Variants in CD96 observed in about 807,000 individuals in gnomAD.
The protein encoded by CD96 is CD96 molecule.
Under a neutral mutation model 71.3 loss-of-function variants are expected in CD96, and 70 were observed. The observed-to-expected ratio is 0.98, with a 90% CI of 0.81 to 1.20. CD96 has a LOEUF of 1.20. CD96 is among the 50% of genes most tolerant of loss of function. The pLI is 0.00. For missense variants in CD96, 742 were observed against 677.5 expected (o/e 1.10, Z -1.06); for synonymous variants, 248 against 233.0 (o/e 1.06, Z -0.59).
intron 14 of CD96, among the ~76,000 whole-genome samples, chr3:111,659,501 C>CT (rs1409162366): frequency 7.2e-5 from 11 of 152,170 alleles, no homozygotes; most frequent in Admixed American, 2.0e-4. Flanking sequence ...GGACTTTAAA[C>CT]TTTCCTCTTA....
chr3:111,561,328 A>G (rs1206197089), intron 2 of CD96, among the ~76,000 whole-genome samples: 1 of 148,374 alleles, frequency 6.7e-6, no homozygotes, highest in African/African-American at 2.5e-5. Flanking sequence ...TTTTTTCCCC[A>G]TCTTTGTGGT....
chr3:111,649,678 G>T lies in CD96; in HGVS notation c.1602-20G>T, dbSNP rs1462056810. The T allele has an allele frequency of 6.9e-7, 1 of 1,456,652 alleles. No individual in the cohort carries two copies. The highest frequency in any genetic ancestry group is 9.6e-7 in the Non-Finnish European group (1 of 1,036,632). 90.2% of individuals were successfully genotyped at this position (1,456,652 alleles called of 1,614,324 possible). A position where few individuals can be genotyped will look rare whatever the true frequency, so the allele number is the denominator to read the frequency against. On this transcript the variant is annotated intron_variant, in intron 13 of 13. Transcript: ENST00000352690. Reference sequence around the variant, plus strand: ...ACTCCCTCAATTCTTAGCATTGAAAGACCAATATTTTGTTCCTAGAATGGA... The same window carrying T: ...ACTCCCTCAATTCTTAGCATTGAAATACCAATATTTTGTTCCTAGAATGGA...
At chr3:111,654,241 C>G (rs1210627703), downstream of CD96, among the ~76,000 whole-genome samples, 4 of 152,136 alleles carry the variant, frequency 2.6e-5, no homozygotes, top group Non-Finnish European at 5.9e-5. Context: ...CTGGCAGAAA[C>G]ACATAGTGAG....
At chr3:111,619,431 T>C (rs1435115509) in intron 8 of CD96, among the ~76,000 whole-genome samples, 2 of 152,186 alleles carry the variant, frequency 1.3e-5, no homozygotes, top group African/African-American at 4.8e-5. Flanking sequence ...CCTGGAGACA[T>C]GGGTCATTAT....
At chr3:111,548,072 A>G (rs1934505994) in intron 2 of CD96, among the ~76,000 whole-genome samples, 1 of 152,172 alleles carries the variant, frequency 6.6e-6, no homozygotes, top group Non-Finnish European at 1.5e-5. Context: ...GCCCCTGTGC[A>G]ATCTTTAAGT....
intron 9 of CD96, 59 bp downstream of exon 9, chr3:111,623,881 A>G: frequency 9.7e-7 from 1 of 1,028,108 alleles, no homozygotes; most frequent in Non-Finnish European, 1.5e-6. Context: ...CACAAGTTTT[A>G]CTACTGCTTC....
chr3:111,604,213 C>T (rs2107658765), intron 7 of CD96, among the ~76,000 whole-genome samples: 1 of 152,278 alleles, frequency 6.6e-6, no homozygotes, highest in Non-Finnish European at 1.5e-5. Context: ...CCCATGGCTG[C>T]TGCTGCCCAT....
At chr3:111,544,935 G>A (rs1934309344) in intron 1 of CD96, 111 bp from the exon 2 acceptor site, 1 of 861,290 alleles carries the variant, frequency 1.2e-6, no homozygotes, top group African/African-American at 1.7e-5. Flanking sequence ...AGCAGCCAGG[G>A]AGAAATTTCC....
At chr3:111,581,944 A>C (rs1400513025) in intron 4 of CD96, among the ~76,000 whole-genome samples, 1 of 152,194 alleles carries the variant, frequency 6.6e-6, no homozygotes, top group Non-Finnish European at 1.5e-5. Context: ...AAGGAAGATA[A>C]GAAAATGTAC....
At chr3:111,548,943 G>A (rs1934555686) in intron 2 of CD96, among the ~76,000 whole-genome samples, 2 of 152,144 alleles carry the variant, frequency 1.3e-5, no homozygotes, top group African/African-American at 2.4e-5. Context: ...AGGCATATAT[G>A]CATGACTGTG....
Position 111,545,143 on chromosome 3 carries a change from C to T in CD96, c.159C>T (p.Phe53=), listed in dbSNP as rs140137237. Reference sequence around the variant, plus strand: ...GCCAAACACAGACAGTAGGCTTCTTCGTGCAGATGCAATGGTCCAAGGTCA... The same window carrying T: ...GCCAAACACAGACAGTAGGCTTCTTTGTGCAGATGCAATGGTCCAAGGTCA... ...LTCQTQTVGF[F]VQMQWSKVTN... The change falls in exon 2 of 14, where the codon TTC becomes TTT. Residue 53 remains phenylalanine, a synonymous_variant. Transcript: ENST00000352690. 1.2e-5 allele frequency: 19 copies of T among 1,614,022 alleles called. No individual in the cohort carries two copies. The African/African-American group carries it at 1.5e-4, about 12-fold the overall frequency.
chr3:111,589,235 C>G (rs1270337539), intron 5 of CD96, among the ~76,000 whole-genome samples: 1 of 152,158 alleles, frequency 6.6e-6, no homozygotes, highest in Non-Finnish European at 1.5e-5. Flanking sequence ...CAGGCATGAG[C>G]CACCATGCCC....
intron 2 of CD96, among the ~76,000 whole-genome samples, chr3:111,548,684 TA>T (rs1318642825): frequency 1.3e-5 from 2 of 152,196 alleles, no homozygotes; most frequent in Admixed American, 6.5e-5. Flanking sequence ...GGTGGGCTGT[TA>T]ATGTTATTGG....
rs542105506 is a variant in CD96 at position 111,663,538 on chromosome 3, T to TA, written c.*53-1982dup. On this transcript the variant is annotated intron_variant and NMD_transcript_variant, in intron 14 of 14. Transcript: ENST00000494798. ...TCAACAAGCAAAAAACAACTCCTTT[T>TA]AAAAAAATGGACAAAGGATATGAAC... Among the ~76,000 whole-genome samples the TA allele has an allele frequency of 2.0e-4, 31 of 152,104 alleles. No individual in the cohort carries two copies. In the East Asian group the frequency reaches 6.0e-3, roughly 29 times the overall value.
At chr3:111,662,740 ACAGCCCGGGCTT>A (rs1297430835) in intron 14 of CD96, among the ~76,000 whole-genome samples, 19 of 152,216 alleles carry the variant, frequency 1.2e-4, no homozygotes, top group African/African-American at 3.9e-4. Flanking sequence ...TGAGACAACC[ACAGCCCGGGCTT>A]CACTGTCTAT....
intron 2 of CD96, among the ~76,000 whole-genome samples, chr3:111,553,495 T>C (rs1353019325): frequency 6.8e-6 from 1 of 147,936 alleles, no homozygotes; most frequent in Non-Finnish European, 1.5e-5. Flanking sequence ...GAGAGGCACA[T>C]AATTCTGGTT....
At chr3:111,638,636 G>C (rs570731019) in intron 12 of CD96, among the ~76,000 whole-genome samples, 1 of 152,230 alleles carries the variant, frequency 6.6e-6, no homozygotes, top group East Asian at 1.9e-4. Flanking sequence ...TATATCATAA[G>C]AGAGCAAAAG....
At chr3:111,620,899 C>T (rs1419295999) in intron 8 of CD96, among the ~76,000 whole-genome samples, 1 of 152,212 alleles carries the variant, frequency 6.6e-6, no homozygotes, top group Non-Finnish European at 1.5e-5. Context: ...TTCTCCTTCT[C>T]CTGCAGTAAC....
At chr3:111,611,594 T>C (rs1937940519) in intron 8 of CD96, among the ~76,000 whole-genome samples, 2 of 151,998 alleles carry the variant, frequency 1.3e-5, no homozygotes, top group African/African-American at 4.8e-5. Flanking sequence ...TGCTGTCCAA[T>C]AGTTTCTGCC....
Sources: allele counts gnomAD v4.1 joint callset (sites outside exome capture counted in the v4.1 genomes callset), GRCh38; gene constraint gnomAD v4.1.1; transcripts MANE v1.5; gene names NCBI Gene and HGNC (gene_info 2026-07-23, HGNC 2026-07-21).